Variants in PAK1 observed in about 807,000 individuals in gnomAD.
The protein encoded by PAK1 is p21 (RAC1) activated kinase 1.
PAK1 carries 29 observed loss-of-function variants against 67.4 expected under a neutral mutation model. The ratio of observed to expected loss-of-function variants is 0.43; its 90% CI spans 0.32 to 0.59. The LOEUF (loss-of-function observed/expected upper bound fraction) is 0.59. PAK1 is among the 20% of genes least tolerant of loss of function. PAK1 has a pLI of 0.07. For missense variants in PAK1, 337 were observed against 670.7 expected, an observed-to-expected ratio of 0.50 and a Z score of 5.50; for synonymous variants, 223 against 237.4, an observed-to-expected ratio of 0.94 and a Z score of 0.56.
intron 1 of PAK1, among the ~76,000 whole-genome samples, chr11:77,395,275 T>C (rs1159621603): frequency 6.6e-6 from 1 of 152,216 alleles, no homozygotes; most frequent in Non-Finnish European, 1.5e-5. Context: ...CTATTACAAT[T>C]GTTTATAGGT....
chr11:77,510,158 ACCAG>A, the PAK1 span, among the ~76,000 whole-genome samples: 1 of 152,122 alleles, frequency 6.6e-6, no homozygotes, highest in Non-Finnish European at 1.5e-5. Flanking sequence ...ACATATTTTC[ACCAG>A]TAGCATTTTT....
Position 77,337,328 on chromosome 11 carries a change from C to T in PAK1, c.1212G>A (p.Lys404=), listed in dbSNP as rs756381963. The T allele has an allele frequency of 6.4e-7, 1 of 1,565,808 alleles. No homozygotes were observed. The highest frequency in any genetic ancestry group is 2.2e-5 in the East Asian group (1 of 44,608). The change falls in exon 12 of 15, where the codon AAG becomes AAA. Residue 404 remains lysine (K), a synonymous_variant. Transcript: ENST00000356341. ...NILLGMDGSV[K]LTDFGFCAQI... is the part of the protein sequence containing the mutation. Reference sequence around the variant, plus strand: ...ATTCCTAAGGCTCCTACTTACTTAGCTTGACAGAGCCATCCATTCCCAACA... The same window carrying T: ...ATTCCTAAGGCTCCTACTTACTTAGTTTGACAGAGCCATCCATTCCCAACA...
intron 1 of PAK1, among the ~76,000 whole-genome samples, chr11:77,404,111 G>A (rs1953108893): frequency 6.6e-6 from 1 of 152,008 alleles, no homozygotes; most frequent in African/African-American, 2.4e-5. Context: ...TAAGAAATAT[G>A]TTTCTTTTCT....
upstream of PAK1, chr11:77,477,066 A>G (rs1406019925): frequency 6.6e-6 from 1 of 152,244 alleles, no homozygotes; most frequent in African/African-American, 2.4e-5. Context: ...CATCCATAAG[A>G]AACTAATACA....
the PAK1 span, among the ~76,000 whole-genome samples, chr11:77,508,181 G>T: frequency 6.6e-6 from 1 of 152,148 alleles, no homozygotes; most frequent in African/African-American, 2.4e-5. Flanking sequence ...TTAGTAGCTC[G>T]ATTTCATGCA....
intron 1 of PAK1, among the ~76,000 whole-genome samples, chr11:77,467,090 C>T (rs776598526): frequency 1.3e-5 from 2 of 152,224 alleles, no homozygotes; most frequent in Non-Finnish European, 2.9e-5. Flanking sequence ...GCTCCCCAAA[C>T]AGGCTCTCAA....
At chr11:77,391,970 TC>T (rs1201365001) in intron 2 of PAK1, among the ~76,000 whole-genome samples, 1 of 152,168 alleles carries the variant, frequency 6.6e-6, no homozygotes, top group African/African-American at 2.4e-5. Flanking sequence ...AGAAAACATT[TC>T]CAATTGAAAC....
At chr11:77,358,011 G>GA (rs1222603063) in intron 6 of PAK1, among the ~76,000 whole-genome samples, 2 of 152,136 alleles carry the variant, frequency 1.3e-5, no homozygotes, top group East Asian at 3.9e-4. Context: ...CTACAGAGAT[G>GA]ATTCCACAGA....
chr11:77,456,674 T>G (rs1266184097), intron 1 of PAK1, among the ~76,000 whole-genome samples: 1 of 152,204 alleles, frequency 6.6e-6, no homozygotes, highest in Non-Finnish European at 1.5e-5. Flanking sequence ...TGCTAAGTGC[T>G]TTACAACTAC....
intron 2 of PAK1, among the ~76,000 whole-genome samples, chr11:77,382,950 T>C (rs1375221491): frequency 6.6e-6 from 1 of 152,110 alleles, no homozygotes; most frequent in Non-Finnish European, 1.5e-5. Flanking sequence ...TGAACTGAAA[T>C]TGTACCACTG....
chr11:77,330,623 C>T (rs1329342696), intron 14 of PAK1, among the ~76,000 whole-genome samples: 1 of 152,138 alleles, frequency 6.6e-6, no homozygotes, highest in Non-Finnish European at 1.5e-5. Flanking sequence ...ACACCTTATA[C>T]AAAAATTAAT....
intron 1 of PAK1, among the ~76,000 whole-genome samples, chr11:77,447,265 T>A (rs1441371780): frequency 6.6e-6 from 1 of 152,206 alleles, no homozygotes; most frequent in Non-Finnish European, 1.5e-5. Flanking sequence ...CTCTCCCTGG[T>A]GAGAACCTGT....
At chr11:77,522,490 T>C in the PAK1 span, among the ~76,000 whole-genome samples, 35 of 152,284 alleles carry the variant, frequency 2.3e-4, no homozygotes, top group East Asian at 5.6e-3. Flanking sequence ...TCACTAATCA[T>C]TGGAGAAATG....
intron 1 of PAK1, among the ~76,000 whole-genome samples, chr11:77,411,271 G>A (rs1437891978): frequency 6.6e-6 from 1 of 151,980 alleles, no homozygotes; most frequent in Non-Finnish European, 1.5e-5. Context: ...TGACAGTCTG[G>A]AAAAGCCAGA....
At chr11:77,365,846 G>GA (rs71473341) in intron 5 of PAK1, among the ~76,000 whole-genome samples, 2,215 of 138,586 alleles carry the variant, frequency 0.016, 25 homozygotes, top group African/African-American at 0.033. Context: ...AAAAGAAAAA[G>GA]AAAAAAAAAA....
chr11:77,507,274 G>A, the PAK1 span, among the ~76,000 whole-genome samples: 2 of 152,210 alleles, frequency 1.3e-5, no homozygotes, highest in East Asian at 1.9e-4. Flanking sequence ...GGGGCCAGGG[G>A]GGCTGTCAAA....
intron 9 of PAK1, chr11:77,346,891 T>C (rs1046709396): frequency 3.4e-5 from 14 of 405,878 alleles, no homozygotes; most frequent in Admixed American, 8.3e-5. Flanking sequence ...CTTTCTATTG[T>C]ACACATTCTC....
chr11:77,420,348 C>T (rs893034732), intron 1 of PAK1, among the ~76,000 whole-genome samples: 53 of 152,190 alleles, frequency 3.5e-4, no homozygotes, highest in African/African-American at 9.9e-4. Context: ...ACACAATGTT[C>T]GTCACTATGG....
the PAK1 span, among the ~76,000 whole-genome samples, chr11:77,527,706 G>A: frequency 6.6e-6 from 1 of 152,128 alleles, no homozygotes; most frequent in South Asian, 2.1e-4. Context: ...CATTGCCACT[G>A]AATGTTAGGT....
Sources: allele counts gnomAD v4.1 joint callset (sites outside exome capture counted in the v4.1 genomes callset), GRCh38; gene constraint gnomAD v4.1.1; transcripts MANE v1.5; gene names NCBI Gene and HGNC (gene_info 2026-07-23, HGNC 2026-07-21).